The following GRIP1 variants were observed in gnomAD, a reference collection of about 807,000 sequenced individuals.
GRIP1 encodes the protein glutamate receptor-interacting protein 1.
In GRIP1, 45 loss-of-function variants were observed where a neutral mutation model predicts 129.9. That is an observed-to-expected ratio of 0.35 (90% CI 0.27 to 0.44). The LOEUF (loss-of-function observed/expected upper bound fraction) is 0.44. GRIP1 is among the 20% of genes least tolerant of loss of function. The pLI is 1.00. For missense variants in GRIP1, 1,196 were observed against 1,396.8 expected (o/e 0.86, Z 2.29); for synonymous variants, 530 against 520.8 (o/e 1.02, Z -0.24).
chr12:66,430,144 G>A (rs1000924939), intron 14 of GRIP1, among the ~76,000 whole-genome samples: 4 of 152,188 alleles, frequency 2.6e-5, no homozygotes, highest in East Asian at 3.8e-4. Context: ...TGTATGTCAG[G>A]AACTGTGCTA....
At chr12:66,463,555 G>C (rs2059198081) in intron 8 of GRIP1, among the ~76,000 whole-genome samples, 1 of 152,056 alleles carries the variant, frequency 6.6e-6, no homozygotes, top group South Asian at 2.1e-4. Context: ...GAATAACTTG[G>C]GGAGATTTCA....
At chr12:66,997,630 T>G (rs1417015036) in intron 1 of GRIP1, among the ~76,000 whole-genome samples, 1 of 152,028 alleles carries the variant, frequency 6.6e-6, no homozygotes, top group Non-Finnish European at 1.5e-5. Context: ...AATATGAAGG[T>G]CTGATCACAA....
chr12:67,013,581 T>C (rs994147249), intron 1 of GRIP1, among the ~76,000 whole-genome samples: 3 of 152,176 alleles, frequency 2.0e-5, no homozygotes, highest in Admixed American at 6.6e-5. Flanking sequence ...TGCACATTCA[T>C]TACAGGAGGG....
chr12:66,818,021 A>G lies in GRIP1; in HGVS notation c.59-221094T>C, dbSNP rs538420754. 2.0e-5 allele frequency among the ~76,000 whole-genome samples: 3 copies of G among 152,322 alleles called. No homozygotes were observed. In the South Asian group the frequency reaches 6.2e-4, roughly 32 times the overall value. On this transcript the variant is annotated intron_variant, in intron 1 of 1. Coordinates refer to the GRIP1 transcript ENST00000643019. The stretch of plus-strand genomic sequence containing the variant: ...ACAGCCTTTTCAGATAATTGTGGAT[A>G]TTCTTTGATACTATACCAGGATTCA...
intron 1 of GRIP1, among the ~76,000 whole-genome samples, chr12:66,602,148 C>A (rs1565900894): frequency 6.6e-6 from 1 of 152,042 alleles, no homozygotes; most frequent in Non-Finnish European, 1.5e-5. Flanking sequence ...TGGTGGGGAG[C>A]CATAATCTTT....
intron 1 of GRIP1, among the ~76,000 whole-genome samples, chr12:66,740,904 T>C (rs1381494587): frequency 1.3e-5 from 2 of 152,186 alleles, no homozygotes; most frequent in African/African-American, 4.8e-5. Context: ...GGAGTTCATA[T>C]TCTCTCTCAG....
rs368637185 is a variant in GRIP1 at position 66,965,549 on chromosome 12, TTGTGTGTGTGTGTGTGTG to T, written c.58+103483_58+103500del. On this transcript the variant is annotated intron_variant, in intron 1 of 1. Transcript: ENST00000643019. ...TTCTTAGGCTACTGGAAAAGAAACA[TTGTGTGTGTGTGTGTGTG>T]TGTGTGTGTGTGTGTGTGTGTGTGT... Among the ~76,000 whole-genome samples, 770 of 128,336 alleles carry T rather than the reference TTGTGTGTGTGTGTGTGTG, an allele frequency of 6.0e-3. 7 individuals are homozygous for T. Among genetic ancestry groups the T allele is most frequent in the African/African-American group, 0.02 (653 of 32,380 alleles). 84.2% of individuals were successfully genotyped at this position (128,336 alleles called of 152,430 possible). A position where few individuals can be genotyped will look rare whatever the true frequency, so the allele number is the denominator to read the frequency against.
At chr12:66,360,422 G>A (rs1350924918) in intron 23 of GRIP1, among the ~76,000 whole-genome samples, 2 of 152,050 alleles carry the variant, frequency 1.3e-5, no homozygotes. Context: ...TTCTTGTAGG[G>A]TCTGTCTTTT....
chr12:66,983,210 T>G (rs945486548), intron 1 of GRIP1, among the ~76,000 whole-genome samples: 3 of 152,162 alleles, frequency 2.0e-5, no homozygotes, highest in Non-Finnish European at 4.4e-5. Flanking sequence ...ATTCTTTGAG[T>G]CCTGTTATTT....
At chr12:66,971,818 T>C (rs191300426) in intron 1 of GRIP1, among the ~76,000 whole-genome samples, 1 of 152,162 alleles carries the variant, frequency 6.6e-6, no homozygotes, top group Admixed American at 6.6e-5. Flanking sequence ...TAGAATTAAG[T>C]TTGTGAAGAA....
At chr12:66,440,835 A>G (rs926382861) in intron 13 of GRIP1, among the ~76,000 whole-genome samples, 4 of 152,220 alleles carry the variant, frequency 2.6e-5, no homozygotes, top group Non-Finnish European at 5.9e-5. Context: ...TGACCTCACC[A>G]AATGTCCCCT....
intron 6 of GRIP1, among the ~76,000 whole-genome samples, chr12:66,516,591 G>T (rs1196725502): frequency 6.6e-6 from 1 of 151,954 alleles, no homozygotes; most frequent in East Asian, 1.9e-4. Flanking sequence ...AATTAATTTG[G>T]TAATACAAGT....
At chr12:66,803,415 A>G (rs1211414310) in intron 1 of GRIP1, among the ~76,000 whole-genome samples, 1 of 152,218 alleles carries the variant, frequency 6.6e-6, no homozygotes, top group Non-Finnish European at 1.5e-5. Context: ...GCTGACAGAT[A>G]AAAGAAAACT....
chr12:66,990,060 G>A (rs1356082764), intron 1 of GRIP1, among the ~76,000 whole-genome samples: 1 of 152,190 alleles, frequency 6.6e-6, no homozygotes, highest in Non-Finnish European at 1.5e-5. Flanking sequence ...CAACATATTA[G>A]ATATAATTCA....
intron 1 of GRIP1, among the ~76,000 whole-genome samples, chr12:66,618,460 T>C (rs1471023496): frequency 5.9e-5 from 9 of 152,114 alleles, no homozygotes; most frequent in Non-Finnish European, 1.2e-4. Context: ...ACCATATATC[T>C]TCTCATATGT....
chr12:67,017,530 G>A (rs1592472256), intron 1 of GRIP1, among the ~76,000 whole-genome samples: 1 of 151,786 alleles, frequency 6.6e-6, no homozygotes, highest in Non-Finnish European at 1.5e-5. Flanking sequence ...AATCTACAAA[G>A]GTGGCTGCAA....
chr12:66,822,027 T>A (rs968867495), intron 1 of GRIP1, among the ~76,000 whole-genome samples: 43 of 152,246 alleles, frequency 2.8e-4, no homozygotes, highest in African/African-American at 9.1e-4. Context: ...TGTGTGTATG[T>A]GTATGTGTGT....
intron 1 of GRIP1, among the ~76,000 whole-genome samples, chr12:67,011,287 C>T (rs924222630): frequency 6.6e-6 from 1 of 152,178 alleles, no homozygotes; most frequent in African/African-American, 2.4e-5. Flanking sequence ...TTACTCAACA[C>T]ATGGAAGCAA....
chr12:66,597,247 T>C (rs1205985200), intron 1 of GRIP1, among the ~76,000 whole-genome samples: 1 of 152,212 alleles, frequency 6.6e-6, no homozygotes, highest in Non-Finnish European at 1.5e-5. Context: ...ATTTGTCACC[T>C]ACATTTATTG....
Sources: gnomAD v4.1 joint callset for allele counts (sites outside exome capture counted in the v4.1 genomes callset) on GRCh38, gnomAD v4.1.1 for gene constraint, MANE v1.5 for transcripts, NCBI Gene and HGNC (gene_info 2026-07-23, HGNC 2026-07-21) for gene names.